ESRRG: variants seen among roughly 807,000 people sequenced by gnomAD.
ESRRG encodes the protein estrogen-related receptor gamma.
In ESRRG, 13 loss-of-function variants were observed where a neutral mutation model predicts 44.0. That is an observed-to-expected ratio of 0.30 (90% CI 0.19 to 0.47). The LOEUF is 0.47. Ranked by LOEUF, ESRRG falls within the 20% of genes least tolerant of loss-of-function variation. The pLI is 1.00. For synonymous variants in ESRRG, 215 were observed against 214.6 expected (o/e 1.00, Z -0.02); for missense variants, 395 against 580.6 (o/e 0.68, Z 3.29).
intron 1 of ESRRG, among the ~76,000 whole-genome samples, chr1:216,948,153 C>A (rs1027643433): frequency 6.6e-6 from 1 of 152,104 alleles, no homozygotes; most frequent in Non-Finnish European, 1.5e-5. Context: ...ATACTCCAAC[C>A]ACCACTGCTG....
At chr1:217,092,735 G>A (rs955315121), upstream of ESRRG, among the ~76,000 whole-genome samples, 7 of 152,046 alleles carry the variant, frequency 4.6e-5, no homozygotes, top group Admixed American at 3.3e-4. Context: ...CTTTCTCTTC[G>A]GGTTTACCTA....
At chr1:216,788,505 A>G (rs1420998925) in intron 2 of ESRRG, among the ~76,000 whole-genome samples, 1 of 152,142 alleles carries the variant, frequency 6.6e-6, no homozygotes. Context: ...AAGCAGAAGC[A>G]AAATATTACT....
At chr1:217,074,692 G>A (rs898570600) in intron 1 of ESRRG, among the ~76,000 whole-genome samples, 2 of 152,022 alleles carry the variant, frequency 1.3e-5, no homozygotes, top group African/African-American at 4.8e-5. Context: ...TTAAAAAATT[G>A]AGCCCAGGAG....
intron 3 of ESRRG, among the ~76,000 whole-genome samples, chr1:216,629,872 A>C (rs1347391327): frequency 6.6e-6 from 1 of 152,218 alleles, no homozygotes; most frequent in African/African-American, 2.4e-5. Flanking sequence ...ATGCCAGTTT[A>C]CAATTCCTCT....
At chr1:216,726,118 T>C (rs2087466764), upstream of ESRRG, among the ~76,000 whole-genome samples, 2 of 152,202 alleles carry the variant, frequency 1.3e-5, no homozygotes, top group South Asian at 4.1e-4. Flanking sequence ...TGTACAAACA[T>C]ACATAGTGTC....
intron 2 of ESRRG, among the ~76,000 whole-genome samples, chr1:216,754,281 C>T (rs2092302835): frequency 6.6e-6 from 1 of 152,052 alleles, no homozygotes; most frequent in African/African-American, 2.4e-5. Context: ...CCCTCCAGAA[C>T]ACTTACACAC....
intron 5 of ESRRG, among the ~76,000 whole-genome samples, chr1:216,556,685 C>T (rs376155886): frequency 6.6e-6 from 1 of 152,100 alleles, no homozygotes; most frequent in Non-Finnish European, 1.5e-5. Flanking sequence ...CATCTTCTTC[C>T]CATGCTCCCC....
In ESRRG at chr1:216,519,134, CTA is replaced by C; in HGVS notation, c.1132+16_1132+17del. 3 of 1,608,272 alleles carry C rather than the reference CTA, an allele frequency of 1.9e-6. No individual in the cohort carries two copies. The highest frequency in any genetic ancestry group is 2.6e-6 in the Non-Finnish European group (3 of 1,176,384). On this transcript the variant is annotated intron_variant, in intron 6 of 6. Transcript: ENST00000408911. Reference sequence around the variant, plus strand: ...CATATTAAAAAAAATGTAACAATGACTATGTCAGTATGCCAACCTGAATTAGC... The same window carrying C: ...CATATTAAAAAAAATGTAACAATGACTGTCAGTATGCCAACCTGAATTAGC...
At chr1:216,892,882 G>A (rs541758158) in intron 2 of ESRRG, among the ~76,000 whole-genome samples, 41 of 152,040 alleles carry the variant, frequency 2.7e-4, no homozygotes, top group African/African-American at 8.4e-4. Flanking sequence ...CACTCTTTGC[G>A]TTCTTAATAT....
intron 1 of ESRRG, among the ~76,000 whole-genome samples, chr1:217,001,079 G>A (rs1387951816): frequency 6.6e-6 from 1 of 152,176 alleles, no homozygotes; most frequent in Admixed American, 6.5e-5. Flanking sequence ...ATACTCCCAA[G>A]CTGCTTTTTA....
rs114734975 is a variant in ESRRG, at chr1:217,082,469, G to A, written c.-106+7038C>T. Among the ~76,000 whole-genome samples the A allele has an allele frequency of 1.4e-3, 212 of 152,136 alleles. 1 individual carries two copies. The highest frequency in any genetic ancestry group is 4.5e-3 in the African/African-American group (186 of 41,502). ...ATTAAATAATTTCTCAAAATCATAC[G>A]GCAATAAGTGATCCAGTAGAGATTT... On this transcript the variant is annotated intron_variant, in intron 1 of 7. Transcript: ENST00000359162.
chr1:216,522,237 G>A lies in ESRRG; in HGVS notation c.863-2816C>T, dbSNP rs1189247174. 8.2e-5 allele frequency among the ~76,000 whole-genome samples: 11 copies of A among 134,512 alleles called. No homozygotes were observed. The East Asian group carries it at 2.4e-3, about 29-fold the overall frequency. The allele number at this position is 134,512 out of a possible 152,430, so 88.2% of individuals were successfully genotyped here. ...CTATGAAATAAAGAGAAGGAAAAAA[G>A]GGGAAGAAACAGCTCTCCTTTTTTT... On this transcript the variant is annotated intron_variant, in intron 5 of 6. Coordinates refer to ENST00000408911, the MANE Select transcript of ESRRG (RefSeq NM_001438.4).
intron 3 of ESRRG, among the ~76,000 whole-genome samples, chr1:216,594,491 G>A (rs2058154387): frequency 6.6e-6 from 1 of 152,056 alleles, no homozygotes. Flanking sequence ...AAGACTTTAG[G>A]CAAACTGTCT....
chr1:216,824,119 C>T (rs2095349596), intron 2 of ESRRG, among the ~76,000 whole-genome samples: 1 of 152,128 alleles, frequency 6.6e-6, no homozygotes, highest in African/African-American at 2.4e-5. Context: ...GGAGCAACGC[C>T]CAACATCTTT....
chr1:216,552,995 G>A (rs2056753594), intron 5 of ESRRG, among the ~76,000 whole-genome samples: 1 of 152,112 alleles, frequency 6.6e-6, no homozygotes, highest in African/African-American at 2.4e-5. Flanking sequence ...ACATTGTGTT[G>A]AACCTCTGAG....
chr1:216,702,776 C>CAAA lies in ESRRG; in HGVS notation c.56+20465_56+20467dup, dbSNP rs5780911. On this transcript the variant is annotated intron_variant, in intron 1 of 6. Coordinates refer to ENST00000408911, the MANE Select transcript of ESRRG (RefSeq NM_001438.4). ...TGGGAAACAGAGCAAGACTCTGCCT[C>CAAA]AAAAAAAAAAAAAAAAAAAGATATT... Among the ~76,000 whole-genome samples, 256 of 95,110 alleles carry CAAA rather than the reference C, an allele frequency of 2.7e-3. 4 individuals are homozygous for CAAA. Among genetic ancestry groups the CAAA allele is most frequent in the African/African-American group, 8.8e-3 (225 of 25,700 alleles). 62.4% of individuals were successfully genotyped at this position (95,110 alleles called of 152,430 possible). A position where few individuals can be genotyped will look rare whatever the true frequency, so the allele number is the denominator to read the frequency against.
intron 5 of ESRRG, among the ~76,000 whole-genome samples, chr1:216,519,730 TGAA>T (rs2045488200): frequency 6.6e-6 from 1 of 151,126 alleles, no homozygotes. Context: ...GATTTCTGGT[TGAA>T]GTCTTTAGGA....
intron 2 of ESRRG, among the ~76,000 whole-genome samples, chr1:216,729,837 C>T (rs573595349): frequency 5.3e-5 from 8 of 152,248 alleles, no homozygotes; most frequent in South Asian, 4.2e-4. Context: ...GCTCATTCAC[C>T]TAGGAGCTCT....
intron 1 of ESRRG, among the ~76,000 whole-genome samples, chr1:216,711,161 C>T (rs1408322167): frequency 6.6e-6 from 1 of 152,168 alleles, no homozygotes; most frequent in Non-Finnish European, 1.5e-5. Context: ...GGTTCTGCCG[C>T]AGGTGGGCAA....
Sources: gnomAD v4.1 joint callset for allele counts (sites outside exome capture counted in the v4.1 genomes callset) on GRCh38, gnomAD v4.1.1 for gene constraint, MANE v1.5 for transcripts, NCBI Gene and HGNC (gene_info 2026-07-23, HGNC 2026-07-21) for gene names.